MMS22L: variants seen among roughly 807,000 people sequenced by gnomAD.
MMS22L encodes the protein MMS22 like, DNA repair protein, also known as protein MMS22-like.
A neutral mutation model predicts 159.1 loss-of-function variants in MMS22L; 74 were observed. The ratio of observed to expected loss-of-function variants is 0.47; its 90% CI spans 0.39 to 0.56. The LOEUF is 0.56. Ranked by LOEUF, MMS22L falls within the 20% of genes least tolerant of loss-of-function variation. The pLI is 0.00. For missense variants in MMS22L, 1,351 were observed against 1,422.1 expected (o/e 0.95, Z 0.80); for synonymous variants, 517 against 506.9 (o/e 1.02, Z -0.27).
rs1474111052 is a variant in MMS22L at position 97,142,453 on chromosome 6, A to C, written c.*4353T>G. The C allele has an allele frequency of 1.3e-5, 2 of 152,522 alleles. No individual in the cohort carries two copies. The highest frequency in any genetic ancestry group is 2.9e-5 in the Non-Finnish European group (2 of 67,930). The allele number at this position is 152,522 out of a possible 1,614,324, so 9.4% of individuals were successfully genotyped here. On this transcript the variant is annotated 3_prime_UTR_variant, in exon 25 of 25. Coordinates refer to ENST00000683635, the MANE Select transcript of MMS22L (RefSeq NM_001350599.2). ...CCAAACCAACTGTTTCTAACCAAAT[A>C]AAGCATATTATTTATATTGGCATAC...
intron 14 of MMS22L, among the ~76,000 whole-genome samples, chr6:97,189,580 GAAT>G: frequency 1.7e-5 from 1 of 60,182 alleles, no homozygotes; most frequent in South Asian, 5.9e-4. Flanking sequence ...AAAAAAAAAA[GAAT>G]AATTAATTAA....
At chr6:97,243,499 A>T (rs1812303100) in intron 11 of MMS22L, among the ~76,000 whole-genome samples, 1 of 151,998 alleles carries the variant, frequency 6.6e-6, no homozygotes, top group African/African-American at 2.4e-5. Context: ...ATTATTTTTT[A>T]AATTTCTTTA....
At chr6:97,263,835 A>G in intron 8 of MMS22L, 1 of 154,668 alleles carries the variant, frequency 6.5e-6, no homozygotes, top group Non-Finnish European at 1.4e-5. Flanking sequence ...CAGCCTCCCA[A>G]GTAGCTGGGA....
At chr6:97,241,213 A>G (rs1349279786) in intron 11 of MMS22L, among the ~76,000 whole-genome samples, 1 of 152,120 alleles carries the variant, frequency 6.6e-6, no homozygotes, top group Non-Finnish European at 1.5e-5. Context: ...TCATTGATTG[A>G]TGGGTATTGG....
At chr6:97,209,489 A>C (rs917393282) in intron 14 of MMS22L, among the ~76,000 whole-genome samples, 2 of 151,850 alleles carry the variant, frequency 1.3e-5, no homozygotes, top group African/African-American at 2.4e-5. Flanking sequence ...TTCTACCTTC[A>C]CTGACCTCAA....
chr6:97,195,500 T>A (rs1241325359), intron 14 of MMS22L, among the ~76,000 whole-genome samples: 3 of 152,178 alleles, frequency 2.0e-5, no homozygotes, highest in Admixed American at 2.0e-4. Context: ...TAATAGAGAA[T>A]TTTTATAGTA....
intron 16 of MMS22L, among the ~76,000 whole-genome samples, chr6:97,181,533 A>T (rs1048893724): frequency 1.6e-4 from 25 of 152,162 alleles, no homozygotes; most frequent in Non-Finnish European, 8.8e-5. Flanking sequence ...CAAAAAGGAA[A>T]GCTATCATTA....
At chr6:97,263,601 T>C (rs1814737228) in intron 8 of MMS22L, 153 bp from the exon 9 acceptor site, 1 of 427,304 alleles carries the variant, frequency 2.3e-6, no homozygotes. Flanking sequence ...GCAATTTCAT[T>C]TAACTTTTAA....
At chr6:97,231,707 A>G in intron 12 of MMS22L, 55 bp from the exon 13 acceptor site, 1 of 1,297,338 alleles carries the variant, frequency 7.7e-7, no homozygotes, top group Non-Finnish European at 1.1e-6. Context: ...TAGTAAATAA[A>G]ATGGTAAGCT....
At chr6:97,193,536 A>C (rs1036987750) in intron 14 of MMS22L, among the ~76,000 whole-genome samples, 2 of 152,172 alleles carry the variant, frequency 1.3e-5, no homozygotes, top group Non-Finnish European at 2.9e-5. Context: ...GTATTTTATA[A>C]CACAGTAGTA....
intron 21 of MMS22L, among the ~76,000 whole-genome samples, chr6:97,164,465 A>G (rs1010879111): frequency 1.3e-5 from 2 of 152,052 alleles, no homozygotes; most frequent in African/African-American, 4.8e-5. Context: ...TGTTAAAGTT[A>G]AAGGATATAG....
intron 11 of MMS22L, among the ~76,000 whole-genome samples, chr6:97,234,782 A>G (rs1295581239): frequency 1.3e-5 from 2 of 152,220 alleles, no homozygotes; most frequent in Non-Finnish European, 2.9e-5. Context: ...AAGCATCATT[A>G]TTTTATTAGC....
chr6:97,218,983 G>A (rs985435249), intron 14 of MMS22L, among the ~76,000 whole-genome samples: 8 of 152,180 alleles, frequency 5.3e-5, no homozygotes, highest in East Asian at 3.9e-4. Flanking sequence ...CTGCTAGCAG[G>A]GAAAATGCCA....
In MMS22L at chr6:97,143,432, A is replaced by G. The variant is rs544432304; in HGVS notation, c.*3374T>C. The G allele has an allele frequency of 2.6e-5, 4 of 152,360 alleles. No homozygotes were observed. The highest frequency in any genetic ancestry group is 9.6e-5 in the African/African-American group (4 of 41,580). The allele number at this position is 152,360 out of a possible 1,614,324, so 9.4% of individuals were successfully genotyped here. ...GAAAGTCTCCAGACTGAAGGGTTTG[A>G]ACATCACCTTATAAACAATGGTAAG... On this transcript the variant is annotated 3_prime_UTR_variant, in exon 25 of 25. Coordinates refer to ENST00000683635, the MANE Select transcript of MMS22L (RefSeq NM_001350599.2).
intron 15 of MMS22L, among the ~76,000 whole-genome samples, chr6:97,182,412 A>G (rs2128275720): frequency 6.6e-6 from 1 of 152,248 alleles, no homozygotes; most frequent in East Asian, 1.9e-4. Flanking sequence ...CTAGTCTTCT[A>G]AGGAAGCAAA....
At chr6:97,194,351 C>T (rs1206163) in intron 14 of MMS22L, among the ~76,000 whole-genome samples, 79,921 of 151,922 alleles carry the variant, frequency 0.53, 21,536 homozygotes, top group African/African-American at 0.63. Context: ...CCACCATGCC[C>T]GGCCGAGGGT....
intron 9 of MMS22L, among the ~76,000 whole-genome samples, chr6:97,256,006 T>C (rs1168989190): frequency 6.6e-6 from 1 of 152,116 alleles, no homozygotes; most frequent in East Asian, 1.9e-4. Flanking sequence ...CCTGACAATA[T>C]GTCTTTTAAA....
At chr6:97,249,191 C>T (rs770232455) in intron 10 of MMS22L, among the ~76,000 whole-genome samples, 5 of 152,262 alleles carry the variant, frequency 3.3e-5, no homozygotes, top group East Asian at 3.9e-4. Flanking sequence ...AGTGGGCACC[C>T]GTTTTGCAAC....
chr6:97,267,960 T>A lies in MMS22L; in HGVS notation c.740A>T (p.Asp247Val). 1 of 1,606,796 alleles carries A rather than the reference T, an allele frequency of 6.2e-7. No homozygotes were observed. The highest frequency in any genetic ancestry group is 1.3e-5 in the African/African-American group (1 of 74,756). The change falls in exon 8 of 25, where the codon GAC becomes GTC. Residue 247 changes from aspartate (D) to valine (V), a missense_variant. Asp to Val is a radical substitution (Grantham distance 152). Coordinates refer to ENST00000683635, the MANE Select transcript of MMS22L (RefSeq NM_001350599.2). ...AAATAGGCTGATGTTGGTTAAATTG[T>A]CACTTGCCAGATTCATAAACTGATG... is the stretch of plus-strand genomic sequence containing the variant. ...YGHQFMNLAS[D>V]NLTNISLFEE...
Sources: gnomAD v4.1 joint callset for allele counts (sites outside exome capture counted in the v4.1 genomes callset) on GRCh38, gnomAD v4.1.1 for gene constraint, MANE v1.5 for transcripts, NCBI Gene and HGNC (gene_info 2026-07-23, HGNC 2026-07-21) for gene names.